Variants in CFAP46 observed in about 807,000 individuals in gnomAD.
CFAP46 encodes cilia- and flagella-associated protein 46.
CFAP46 carries 245 observed loss-of-function variants against 325.7 expected under a neutral mutation model. The ratio of observed to expected loss-of-function variants is 0.75; its 90% CI spans 0.68 to 0.84. CFAP46 has a LOEUF of 0.84. Among genes scored for constraint, CFAP46 ranks in the 40% least tolerant of loss-of-function variants. CFAP46 has a pLI of 0.00. For synonymous variants in CFAP46, 1,523 were observed against 1,495.9 expected (o/e 1.02, Z -0.42); for missense variants, 3,346 against 3,543.0 (o/e 0.94, Z 1.41).
chr10:132,858,385 TG>T (rs1296244832), intron 38 of CFAP46, among the ~76,000 whole-genome samples: 1 of 57,378 alleles, frequency 1.7e-5, no homozygotes, highest in Non-Finnish European at 3.6e-5. Flanking sequence ...GAGGCTTTGC[TG>T]GGGGTGGCCC....
chr10:132,936,160 A>G (rs1414888363), intron 7 of CFAP46, among the ~76,000 whole-genome samples: 1 of 117,512 alleles, frequency 8.5e-6, no homozygotes, highest in Non-Finnish European at 1.7e-5. Flanking sequence ...CCGGCCCCCA[A>G]ATACACTGTG....
chr10:132,906,950 A>G (rs1410228316), intron 22 of CFAP46, among the ~76,000 whole-genome samples: 1 of 152,216 alleles, frequency 6.6e-6, no homozygotes, highest in Non-Finnish European at 1.5e-5. Flanking sequence ...TCCAGTCCTG[A>G]GCACTGGCCT....
At chr10:132,821,464 G>A (rs1283621584) in intron 50 of CFAP46, among the ~76,000 whole-genome samples, 6 of 137,948 alleles carry the variant, frequency 4.3e-5, no homozygotes, top group Admixed American at 2.1e-4. Context: ...TGTGTGTGCT[G>A]ATGTGTGTTG....
At chr10:132,896,868 A>G (rs1849328047) in intron 24 of CFAP46, among the ~76,000 whole-genome samples, 1 of 152,230 alleles carries the variant, frequency 6.6e-6, no homozygotes, top group African/African-American at 2.4e-5. Context: ...GAAACATATG[A>G]CAAAGCTACA....
At chr10:132,923,125 C>T (rs1392228613) in intron 11 of CFAP46, among the ~76,000 whole-genome samples, 1 of 152,204 alleles carries the variant, frequency 6.6e-6, no homozygotes, top group Admixed American at 6.5e-5. Flanking sequence ...CCAACCAGCC[C>T]GTGTGGGGGT....
rs113951850 is a variant in CFAP46 at position 132,888,436 on chromosome 10, T to C, written c.3305-2477A>G. ...CTGCCGCCTTCACCCCTGCCGCCTG[T>C]ACCCCTGCCACCTTCACCCCTGCCG... is the stretch of plus-strand genomic sequence containing the variant. On this transcript the variant is annotated intron_variant, in intron 25 of 57. Transcript: ENST00000368586. 6.6e-3 allele frequency among the ~76,000 whole-genome samples: 74 copies of C among 11,270 alleles called. 8 individuals are homozygous for C. Among genetic ancestry groups the C allele is most frequent in the Admixed American group, 0.029 (26 of 910 alleles). The allele number at this position is 11,270 out of a possible 152,430, so 7.4% of individuals were successfully genotyped here. A position where few individuals can be genotyped will look rare whatever the true frequency, so the allele number is the denominator to read the frequency against.
intron 8 of CFAP46, 76 bp downstream of exon 8, chr10:132,934,676 T>C: frequency 9.6e-7 from 1 of 1,037,576 alleles, no homozygotes; most frequent in Non-Finnish European, 1.5e-6. Flanking sequence ...TTTACATTTT[T>C]TCACATTTTT....
At chr10:132,873,244 G>T (rs1264285180) in intron 31 of CFAP46, among the ~76,000 whole-genome samples, 1 of 152,208 alleles carries the variant, frequency 6.6e-6, no homozygotes, top group African/African-American at 2.4e-5. Flanking sequence ...GTTGGACTTG[G>T]TTTGTTAAAA....
At chr10:132,918,954 C>A (rs181929142) in intron 15 of CFAP46, among the ~76,000 whole-genome samples, 1 of 152,244 alleles carries the variant, frequency 6.6e-6, no homozygotes, top group East Asian at 1.9e-4. Context: ...GATTGATGAG[C>A]CTGCCCCACC....
At position 132,844,619 on chromosome 10, in the gene CFAP46, T is replaced by C. The variant is rs114284570; in HGVS notation, c.6438+1438A>G. Among the ~76,000 whole-genome samples, 610 of 152,258 alleles carry C rather than the reference T, an allele frequency of 4.0e-3. 4 individuals carry two copies. The highest frequency in any genetic ancestry group is 0.014 in the African/African-American group (595 of 41,534). The stretch of plus-strand genomic sequence containing the variant: ...GAGTGGTGGCCCCCATCGTGGTGAC[T>C]GATGGCTCCCACATGTCAAGCCCCA... On this transcript the variant is annotated intron_variant, in intron 44 of 57. Transcript: ENST00000368586.
chr10:132,866,103 C>T lies in CFAP46; in HGVS notation c.4812G>A (p.Leu1604=), dbSNP rs1388929954. ...TCATCTCCAGCAGAACTTCTGCCTT[C>T]AGCATCCACAGGTGGGGAAAGGACG... ...DGTSFPHLWM[L]KAEVLLEMNL... Residue 1604 remains leucine, a synonymous_variant, in exon 35 of 58, where the codon CTG becomes CTA. Coordinates refer to ENST00000368586, the MANE Select transcript of CFAP46 (RefSeq NM_001200049.3). 1 of 1,547,258 alleles carries T rather than the reference C, an allele frequency of 6.5e-7. No individual in the cohort carries two copies. The highest frequency in any genetic ancestry group is 2.0e-5 in the Admixed American group (1 of 50,610).
At chr10:132,914,973 G>A (rs903635775) in intron 17 of CFAP46, among the ~76,000 whole-genome samples, 16 of 152,340 alleles carry the variant, frequency 1.1e-4, no homozygotes, top group Non-Finnish European at 1.5e-4. Flanking sequence ...CCAGGGAGCC[G>A]TCACACCGAG....
intron 33 of CFAP46, among the ~76,000 whole-genome samples, chr10:132,868,902 A>C (rs1412749821): frequency 6.6e-6 from 1 of 152,264 alleles, no homozygotes; most frequent in Non-Finnish European, 1.5e-5. Flanking sequence ...ACAGCTCTGA[A>C]GTGAACTCCT....
At chr10:132,838,164 G>C (rs893523226) in intron 44 of CFAP46, among the ~76,000 whole-genome samples, 3 of 152,224 alleles carry the variant, frequency 2.0e-5, no homozygotes, top group Non-Finnish European at 4.4e-5. Context: ...TACCAGACCC[G>C]GCACGCAGTT....
chr10:132,845,966 C>T, intron 44 of CFAP46, 91 bp downstream of exon 44: 2 of 1,391,696 alleles, frequency 1.4e-6, no homozygotes, highest in Non-Finnish European at 1.9e-6. Context: ...AGCAAGGCTG[C>T]CTCGCTCAGG....
chr10:132,928,450 C>G (rs1849843265), intron 9 of CFAP46, among the ~76,000 whole-genome samples: 2 of 152,322 alleles, frequency 1.3e-5, no homozygotes, highest in South Asian at 4.1e-4. Flanking sequence ...CCACCTGCAC[C>G]CTGGTGGGCG....
intron 41 of CFAP46, among the ~76,000 whole-genome samples, chr10:132,849,963 C>G (rs193026686): frequency 6.7e-6 from 1 of 149,686 alleles, no homozygotes; most frequent in Non-Finnish European, 1.5e-5. Flanking sequence ...TGGGGCGGGC[C>G]GCGTGCTGGG....
intron 11 of CFAP46, 139 bp from the exon 12 acceptor site, chr10:132,922,847 A>G (rs900233074): frequency 1.2e-5 from 8 of 678,966 alleles, no homozygotes; most frequent in African/African-American, 3.6e-5. Context: ...GCTTTCTGCC[A>G]TCCTTCCAGT....
intron 7 of CFAP46, 27 bp downstream of exon 7, chr10:132,936,934 T>C: frequency 7.2e-7 from 1 of 1,398,246 alleles, no homozygotes; most frequent in Non-Finnish European, 9.8e-7. Context: ...AAACTCAGTA[T>C]TTGCTCTCCC....
Sources: gnomAD v4.1 joint callset for allele counts (sites outside exome capture counted in the v4.1 genomes callset) on GRCh38, gnomAD v4.1.1 for gene constraint, MANE v1.5 for transcripts, NCBI Gene and HGNC (gene_info 2026-07-23, HGNC 2026-07-21) for gene names.